Variants in SMG6 observed in about 807,000 individuals in gnomAD.
The protein encoded by SMG6 is SMG6 nonsense mediated mRNA decay factor, also known as telomerase-binding protein EST1A.
In SMG6, 66 loss-of-function variants were observed where a neutral mutation model predicts 142.2. The observed-to-expected ratio is 0.46, with a 90% CI of 0.38 to 0.57. The LOEUF (loss-of-function observed/expected upper bound fraction) is 0.57, where lower values mean the gene tolerates loss of function less well. SMG6 is among the 20% of genes least tolerant of loss of function. SMG6 has a pLI of 0.00. For synonymous variants in SMG6, 779 were observed against 702.4 expected, an observed-to-expected ratio of 1.11 and a Z score of -1.72; for missense variants, 1,793 against 1,832.0, an observed-to-expected ratio of 0.98 and a Z score of 0.39.
intron 8 of SMG6, among the ~76,000 whole-genome samples, chr17:2,269,127 G>A (rs2074490270): frequency 6.6e-6 from 1 of 151,104 alleles, no homozygotes; most frequent in Non-Finnish European, 1.5e-5. Flanking sequence ...GGCTGCGGCA[G>A]GAGAATGGTT....
intron 13 of SMG6, among the ~76,000 whole-genome samples, chr17:2,165,609 C>G (rs2071312661): frequency 6.6e-6 from 1 of 152,184 alleles, no homozygotes; most frequent in Admixed American, 6.5e-5. Flanking sequence ...TCAATGTGTA[C>G]AAACTCTATA....
At chr17:2,140,957 A>T (rs1372915412) in intron 13 of SMG6, among the ~76,000 whole-genome samples, 4 of 152,332 alleles carry the variant, frequency 2.6e-5, no homozygotes, top group African/African-American at 9.6e-5. Context: ...AGGCTGAGGT[A>T]GGGCCTAAAA....
chr17:2,219,724 T>C (rs1241681129), intron 10 of SMG6, among the ~76,000 whole-genome samples: 7 of 149,460 alleles, frequency 4.7e-5, no homozygotes, highest in Non-Finnish European at 1.0e-4. Context: ...AAGAAGAAGC[T>C]TGAGGCTGCA....
At chr17:2,261,396 A>T (rs1191965485) in intron 8 of SMG6, among the ~76,000 whole-genome samples, 10 of 152,166 alleles carry the variant, frequency 6.6e-5, no homozygotes, top group Non-Finnish European at 1.3e-4. Context: ...ACATTGTCAC[A>T]ATTTATCACC....
At chr17:2,073,324 T>C (rs1597338242) in intron 15 of SMG6, among the ~76,000 whole-genome samples, 1 of 151,956 alleles carries the variant, frequency 6.6e-6, no homozygotes, top group Non-Finnish European at 1.5e-5. Flanking sequence ...CCTCAGGTGA[T>C]CCGCCCGCCT....
intron 10 of SMG6, among the ~76,000 whole-genome samples, chr17:2,195,901 A>G (rs150482835): frequency 6.6e-6 from 1 of 152,162 alleles, no homozygotes; most frequent in East Asian, 1.9e-4. Context: ...CCCGTGACTC[A>G]AGTGTCACAC....
intron 13 of SMG6, among the ~76,000 whole-genome samples, chr17:2,129,259 G>A (rs944758514): frequency 6.6e-6 from 1 of 152,142 alleles, no homozygotes; most frequent in Non-Finnish European, 1.5e-5. Flanking sequence ...GGAGGTCGAG[G>A]CTGCAGTGAG....
chr17:2,124,048 A>C (rs1231917531), intron 13 of SMG6, among the ~76,000 whole-genome samples: 3 of 152,276 alleles, frequency 2.0e-5, no homozygotes, highest in South Asian at 4.1e-4. Context: ...GCTCCACCCA[A>C]ATCAGACTGC....
At chr17:2,266,267 C>T in intron 8 of SMG6, 6 of 717,056 alleles carry the variant, frequency 8.4e-6, no homozygotes, top group Non-Finnish European at 1.0e-5. Flanking sequence ...ACAGAATATA[C>T]ACACGCACGC....
At chr17:2,082,046 T>A in intron 14 of SMG6, 90 bp from the exon 15 acceptor site, 1 of 1,401,708 alleles carries the variant, frequency 7.1e-7, no homozygotes, top group Non-Finnish European at 1.0e-6. Context: ...TTGTGGCCCC[T>A]CACCCACGCA....
intron 13 of SMG6, among the ~76,000 whole-genome samples, chr17:2,120,740 C>A (rs2069662979): frequency 6.6e-6 from 1 of 152,090 alleles, no homozygotes; most frequent in Admixed American, 6.6e-5. Context: ...AAAAAGCATA[C>A]AACTTCATTA....
chr17:2,112,444 G>C (rs940560880), intron 13 of SMG6, among the ~76,000 whole-genome samples: 31 of 151,418 alleles, frequency 2.0e-4, no homozygotes, highest in South Asian at 6.2e-4. Context: ...GGAGGCGGAG[G>C]TTGCAGTGAG....
At position 2,060,547 on chromosome 17, in the gene SMG6, G is replaced by A. The variant is rs1376587539; in HGVS notation, c.*945C>T. ...GTGAGAACCCCTATGACGAGGAACC[G>A]CGGTGAAGAAATGAAGGGGATCAGG... On this transcript the variant is annotated 3_prime_UTR_variant, in exon 19 of 19. Coordinates refer to ENST00000263073, the MANE Select transcript of SMG6 (RefSeq NM_017575.5). The A allele has an allele frequency of 1.3e-5, 2 of 152,270 alleles. No homozygotes were observed. The highest frequency in any genetic ancestry group is 4.8e-5 in the African/African-American group (2 of 41,416). 9.4% of individuals were successfully genotyped at this position (152,270 alleles called of 1,614,324 possible).
chr17:2,137,819 C>T (rs1213983358), intron 13 of SMG6, among the ~76,000 whole-genome samples: 1 of 152,166 alleles, frequency 6.6e-6, no homozygotes, highest in East Asian at 1.9e-4. Flanking sequence ...ATTCATGGAC[C>T]TTAGTACAGA....
At chr17:2,251,726 G>A (rs1173947252) in intron 8 of SMG6, among the ~76,000 whole-genome samples, 1 of 152,194 alleles carries the variant, frequency 6.6e-6, no homozygotes, top group African/African-American at 2.4e-5. Flanking sequence ...GGCAGCTCCA[G>A]AAAACACAGC....
At chr17:2,211,251 A>T (rs942820058) in intron 10 of SMG6, among the ~76,000 whole-genome samples, 3 of 152,164 alleles carry the variant, frequency 2.0e-5, no homozygotes, top group South Asian at 2.1e-4. Context: ...ACATATATAT[A>T]TTTTTGCTTC....
chr17:2,294,354 T>A (rs574932633), intron 4 of SMG6, among the ~76,000 whole-genome samples: 1 of 152,336 alleles, frequency 6.6e-6, no homozygotes, highest in Non-Finnish European at 1.5e-5. Flanking sequence ...TTTGTCATGT[T>A]GGTAAGAGAC....
rs1312795006 is a variant in SMG6, at chr17:2,253,243, G to A, written c.2662-8524C>T. On this transcript the variant is annotated intron_variant, in intron 8 of 18. Transcript: ENST00000263073. ...TCTAAGCTCCGCTTCCCGGGTTCAC[G>A]CCATTCTCCTGCCTCAGCCTCCTGA... Among the ~76,000 whole-genome samples, 3 of 151,850 alleles carry A rather than the reference G, an allele frequency of 2.0e-5. No homozygotes were observed. In the East Asian group the frequency reaches 5.8e-4, roughly 29 times the overall value.
In SMG6 at chr17:2,109,270, CTTTTT is replaced by C. The variant is rs752516056; in HGVS notation, c.3358-23374_3358-23370del. Among the ~76,000 whole-genome samples, 4 of 147,572 alleles carry C rather than the reference CTTTTT, an allele frequency of 2.7e-5. No homozygotes were observed. The East Asian group carries it at 7.9e-4, about 29-fold the overall frequency. ...AGCTGCTGTTAGAATATATGTCTCTCTTTTTTTTTTTGAGATGGAGACTTGCTTTG... is the reference window on the plus strand; with the variant it reads ...AGCTGCTGTTAGAATATATGTCTCTCTTTTTTGAGATGGAGACTTGCTTTG... On this transcript the variant is annotated intron_variant, in intron 13 of 18. Transcript: ENST00000263073.
Sources: gnomAD v4.1 joint callset for allele counts (sites outside exome capture counted in the v4.1 genomes callset) on GRCh38, gnomAD v4.1.1 for gene constraint, MANE v1.5 for transcripts, NCBI Gene and HGNC (gene_info 2026-07-23, HGNC 2026-07-21) for gene names.